Variants in CALCR observed in about 807,000 individuals in gnomAD.
CALCR encodes calcitonin receptor.
A neutral mutation model predicts 59.5 loss-of-function variants in CALCR; 47 were observed. The ratio of observed to expected loss-of-function variants is 0.79; its 90% CI spans 0.63 to 1.01. The LOEUF (loss-of-function observed/expected upper bound fraction) is 1.01. CALCR is among the 50% of genes least tolerant of loss of function. The pLI is 0.00. For missense variants in CALCR, 566 were observed against 597.1 expected (o/e 0.95, Z 0.54); for synonymous variants, 213 against 211.3 (o/e 1.01, Z -0.07).
intron 13 of CALCR, among the ~76,000 whole-genome samples, chr7:93,429,914 G>T (rs1288607436): frequency 8.7e-5 from 8 of 91,850 alleles, no homozygotes; most frequent in African/African-American, 2.1e-4. Context: ...ACTTTAGACG[G>T]TTTTTTTTTT....
intron 2 of CALCR, among the ~76,000 whole-genome samples, chr7:93,521,770 T>G (rs1283765655): frequency 6.6e-6 from 1 of 152,212 alleles, no homozygotes; most frequent in African/African-American, 2.4e-5. Flanking sequence ...TAATACTATT[T>G]TATTCCATTA....
chr7:93,473,588 C>A (rs754370273), intron 5 of CALCR, among the ~76,000 whole-genome samples: 13 of 120,300 alleles, frequency 1.1e-4, no homozygotes, highest in African/African-American at 3.3e-4. Context: ...TGGCCCCCCC[C>A]CCTTTTTTTT....
intron 2 of CALCR, among the ~76,000 whole-genome samples, chr7:93,509,633 T>A (rs1262622427): frequency 6.6e-6 from 1 of 152,206 alleles, no homozygotes; most frequent in Non-Finnish European, 1.5e-5. Flanking sequence ...TATGTGGAGA[T>A]TAACTTTCTG....
At chr7:93,518,225 T>TAC (rs1451997030) in intron 2 of CALCR, among the ~76,000 whole-genome samples, 2 of 150,840 alleles carry the variant, frequency 1.3e-5, no homozygotes, top group Admixed American at 1.3e-4. Flanking sequence ...CACACACACA[T>TAC]ACACACACAC....
chr7:93,510,905 G>A (rs990329547), intron 2 of CALCR, among the ~76,000 whole-genome samples: 1 of 151,924 alleles, frequency 6.6e-6, no homozygotes, highest in Non-Finnish European at 1.5e-5. Context: ...AATTATTTAG[G>A]AGAGTGATGA....
intron 13 of CALCR, among the ~76,000 whole-genome samples, chr7:93,430,020 C>T (rs1446783937): frequency 6.6e-6 from 1 of 151,178 alleles, no homozygotes; most frequent in Non-Finnish European, 1.5e-5. Flanking sequence ...CAAGCTCCAC[C>T]TCCCGGGTTC....
At chr7:93,561,008 C>CGAA (rs1215770096) in intron 2 of CALCR, among the ~76,000 whole-genome samples, 2 of 152,174 alleles carry the variant, frequency 1.3e-5, no homozygotes, top group African/African-American at 4.8e-5. Context: ...TTTTTTCCTA[C>CGAA]ATTATTTACA....
intron 2 of CALCR, among the ~76,000 whole-genome samples, chr7:93,513,250 T>G (rs571678402): frequency 6.6e-6 from 1 of 152,202 alleles, no homozygotes; most frequent in Admixed American, 6.5e-5. Context: ...CCCCAAATGT[T>G]CCACATAGAA....
At chr7:93,504,034 G>T (rs1332820516) in intron 2 of CALCR, among the ~76,000 whole-genome samples, 1 of 152,124 alleles carries the variant, frequency 6.6e-6, no homozygotes, top group Non-Finnish European at 1.5e-5. Context: ...TGGTGATTAG[G>T]TGTTAAAAAA....
intron 2 of CALCR, among the ~76,000 whole-genome samples, chr7:93,562,434 ACAAC>A (rs1789771273): frequency 6.6e-6 from 1 of 152,078 alleles, no homozygotes; most frequent in African/African-American, 2.4e-5. Flanking sequence ...AACAACAACA[ACAAC>A]AAAAAACAAT....
chr7:93,559,211 A>G (rs1789683104), intron 2 of CALCR, among the ~76,000 whole-genome samples: 1 of 152,108 alleles, frequency 6.6e-6, no homozygotes. Context: ...AGCTTCTACC[A>G]CACCTCTTTC....
In CALCR at chr7:93,472,389, G is replaced by GAGTGAAAGC; in HGVS notation, c.406_414dup (p.Ala136_Thr138dup). 6.3e-7 allele frequency: 1 copy of GAGTGAAAGC among 1,596,970 alleles called. No individual in the cohort carries two copies. The highest frequency in any genetic ancestry group is 8.6e-7 in the Non-Finnish European group (1 of 1,166,626). On this transcript the variant is annotated inframe_insertion, in exon 6 of 14. Coordinates refer to ENST00000426151, the MANE Select transcript of CALCR (RefSeq NM_001742.4). ...AAAGAACCTACCTTCAGTTTCTCAG[G>GAGTGAAAGC]AGTGAAAGCATTGCACATAGTATAG...
intron 2 of CALCR, among the ~76,000 whole-genome samples, chr7:93,538,487 A>G (rs1789048883): frequency 6.6e-6 from 1 of 152,024 alleles, no homozygotes; most frequent in Non-Finnish European, 1.5e-5. Context: ...GCATGCTCAG[A>G]TCTTCCCTCA....
chr7:93,456,051 T>A (rs2115783810), intron 8 of CALCR, among the ~76,000 whole-genome samples: 1 of 152,220 alleles, frequency 6.6e-6, no homozygotes, highest in South Asian at 2.1e-4. Flanking sequence ...CTAACAAAAC[T>A]CTCATTGGAA....
intron 2 of CALCR, among the ~76,000 whole-genome samples, chr7:93,569,607 C>T (rs946797640): frequency 6.6e-6 from 1 of 152,112 alleles, no homozygotes; most frequent in Admixed American, 6.6e-5. Flanking sequence ...TACCACAGGG[C>T]TGTATAATGT....
intron 2 of CALCR, among the ~76,000 whole-genome samples, chr7:93,560,876 G>A (rs1360117181): frequency 7.2e-5 from 11 of 152,136 alleles, no homozygotes. Context: ...TTAACCCGAT[G>A]AACTACTTTA....
At chr7:93,464,377 A>G (rs530985985) in intron 7 of CALCR, among the ~76,000 whole-genome samples, 3 of 151,996 alleles carry the variant, frequency 2.0e-5, no homozygotes, top group Non-Finnish European at 4.4e-5. Flanking sequence ...TTACTGGTGC[A>G]TGGGAAAATA....
intron 2 of CALCR, among the ~76,000 whole-genome samples, chr7:93,573,733 A>C (rs1249254335): frequency 6.6e-6 from 1 of 152,186 alleles, no homozygotes; most frequent in African/African-American, 2.4e-5. Flanking sequence ...CTCTTTTGGA[A>C]ACTATGCACA....
chr7:93,438,266 G>A lies in CALCR; in HGVS notation c.807C>T (p.Phe269=). The A allele has an allele frequency of 6.2e-7, 1 of 1,611,680 alleles. No homozygotes were observed. Among genetic ancestry groups the A allele is most frequent in the Non-Finnish European group, 8.5e-7 (1 of 1,177,828 alleles). Residue 269 remains phenylalanine (F), a synonymous_variant, in exon 10 of 14, where the codon TTC becomes TTT. Coordinates refer to ENST00000426151, the MANE Select transcript of CALCR (RefSeq NM_001742.4). ...CATGGATAGTGGTTGGCACCAGCGG[G>A]AACCCTACAAATGTGAAAAGTACAA... is the stretch of plus-strand genomic sequence containing the variant. ...LRWYYLLGWG[F]PLVPTTIHAI... is the part of the protein sequence containing the mutation.
Sources: allele counts gnomAD v4.1 joint callset (sites outside exome capture counted in the v4.1 genomes callset), GRCh38; gene constraint gnomAD v4.1.1; transcripts MANE v1.5; gene names NCBI Gene and HGNC (gene_info 2026-07-23, HGNC 2026-07-21).